Variants in CFAP47 observed in about 807,000 individuals in gnomAD.
CFAP47 encodes the protein cilia- and flagella-associated protein 47.
CFAP47 carries 29 observed loss-of-function variants against 148.1 expected under a neutral mutation model. The observed-to-expected ratio is 0.20, with a 90% CI of 0.15 to 0.27. CFAP47 has a LOEUF of 0.27. CFAP47 is among the 10% of genes least tolerant of loss of function. CFAP47 has a pLI of 1.00. For synonymous variants in CFAP47, 664 were observed against 577.3 expected (o/e 1.15, Z -2.15); for missense variants, 1,872 against 1,697.5 (o/e 1.10, Z -1.81).
At position 36,085,592 on chromosome X, in the gene CFAP47, A is replaced by G. The variant is rs1033266568; in HGVS notation, c.4916+54A>G. The stretch of plus-strand genomic sequence containing the variant: ...ATATAACTCTGGCTTGGATAGTTAG[A>G]TAAATGAACAGATAGATAGACTTTG... On this transcript the variant is annotated intron_variant, in intron 30 of 63. Transcript: ENST00000378653. 2.2e-5 allele frequency: 15 copies of G among 680,232 alleles called. No homozygotes were observed. The East Asian group carries it at 3.0e-4, about 14-fold the overall frequency. The allele number at this position is 680,232 out of a possible 1,213,427, so 56.1% of individuals were successfully genotyped here. A position where few individuals can be genotyped will look rare whatever the true frequency, so the allele number is the denominator to read the frequency against.
intron 63 of CFAP47, among the ~76,000 whole-genome samples, chrX:36,383,569 A>G (rs183461770): frequency 3.6e-5 from 4 of 111,835 alleles, no homozygotes; most frequent in Non-Finnish European, 7.5e-5. Flanking sequence ...TTTTTTACCC[A>G]GTCGTATTAT....
At chrX:36,169,002 T>C (rs1334999742) in intron 39 of CFAP47, among the ~76,000 whole-genome samples, 1 of 111,857 alleles carries the variant, frequency 8.9e-6, no homozygotes, top group African/African-American at 3.2e-5. Flanking sequence ...TGTTTTCTTC[T>C]CTTTTTTTAA....
At chrX:36,192,376 A>C (rs56165720) in intron 42 of CFAP47, among the ~76,000 whole-genome samples, 23,899 of 110,244 alleles carry the variant, frequency 0.22, 2,645 homozygotes, top group African/African-American at 0.41. Context: ...ACCTTTTAGG[A>C]GGAGGGGTTG....
chrX:36,228,965 G>C, intron 46 of CFAP47, 141 bp downstream of exon 46: 1 of 427,071 alleles, frequency 2.3e-6, no homozygotes, highest in East Asian at 3.9e-5. Context: ...ATTTATGTCA[G>C]AATCTCTTCC....
In CFAP47 at chrX:36,255,514, A is replaced by G. The variant is rs906699256; in HGVS notation, c.7444+4070A>G. Among the ~76,000 whole-genome samples, 5 of 109,825 alleles carry G rather than the reference A, an allele frequency of 4.6e-5. No homozygotes were observed. The South Asian group carries it at 1.6e-3, about 35-fold the overall frequency. ...GTTGATCAGTCATTGAAAGTGGGCT[A>G]CATGTGGAAGGAGGTTTGACCTTGA... On this transcript the variant is annotated intron_variant, in intron 49 of 63. Transcript: ENST00000378653.
intron 3 of CFAP47, among the ~76,000 whole-genome samples, chrX:35,945,676 C>T (rs1243761852): frequency 1.8e-5 from 2 of 110,979 alleles, no homozygotes; most frequent in African/African-American, 6.6e-5. Context: ...CTTTTCTCTG[C>T]CCAATGCCAC....
chrX:36,376,967 G>A (rs1942029910), intron 62 of CFAP47, among the ~76,000 whole-genome samples: 1 of 110,576 alleles, frequency 9.0e-6, no homozygotes, highest in Non-Finnish European at 1.9e-5. Flanking sequence ...TCCTTTTTAT[G>A]GCTGCATAGT....
intron 57 of CFAP47, among the ~76,000 whole-genome samples, chrX:36,343,274 A>G (rs782612853): frequency 8.9e-6 from 1 of 112,221 alleles, no homozygotes; most frequent in African/African-American, 3.2e-5. Flanking sequence ...TGGGTGAAGG[A>G]TATGAACAGA....
chrX:36,349,491 G>A (rs188470120), intron 58 of CFAP47, among the ~76,000 whole-genome samples: 1 of 111,381 alleles, frequency 9.0e-6, no homozygotes, highest in East Asian at 2.8e-4. Context: ...TTGAACTCCT[G>A]ACCTCAAGTG....
chrX:36,080,994 A>G (rs1345475938), intron 29 of CFAP47, among the ~76,000 whole-genome samples: 1 of 111,920 alleles, frequency 8.9e-6, no homozygotes, highest in Non-Finnish European at 1.9e-5. Context: ...AATTACTAAA[A>G]TAAGAGCAGA....
chrX:36,191,281 A>G (rs1939862722), intron 42 of CFAP47, among the ~76,000 whole-genome samples: 1 of 111,647 alleles, frequency 9.0e-6, no homozygotes, highest in South Asian at 3.7e-4. Flanking sequence ...ATATGACCCA[A>G]CAAAATACTA....
chrX:36,149,384 C>G (rs942324934), intron 37 of CFAP47, among the ~76,000 whole-genome samples, 161 bp downstream of exon 37: 1 of 110,784 alleles, frequency 9.0e-6, no homozygotes, highest in African/African-American at 3.3e-5. Flanking sequence ...CAATTCCTCA[C>G]CAAAGTTGTT....
At chrX:36,238,672 A>G (rs185381663) in intron 48 of CFAP47, among the ~76,000 whole-genome samples, 162 of 111,425 alleles carry the variant, frequency 1.5e-3, no homozygotes, top group African/African-American at 5.1e-3. Flanking sequence ...ATTCCTTAAC[A>G]TTGGATTATC....
At chrX:36,314,017 A>C (rs1247853867) in intron 56 of CFAP47, among the ~76,000 whole-genome samples, 1 of 111,648 alleles carries the variant, frequency 9.0e-6, no homozygotes, top group Non-Finnish European at 1.9e-5. Flanking sequence ...AAAATACCCA[A>C]ATTTCTAAAA....
intron 49 of CFAP47, among the ~76,000 whole-genome samples, chrX:36,254,210 C>G (rs1227067235): frequency 9.0e-6 from 1 of 111,042 alleles, no homozygotes; most frequent in Non-Finnish European, 1.9e-5. Flanking sequence ...TGGGTTTGAT[C>G]TGAACCTTGA....
intron 45 of CFAP47, among the ~76,000 whole-genome samples, chrX:36,218,599 T>A (rs1488603659): frequency 9.0e-6 from 1 of 111,707 alleles, no homozygotes; most frequent in Non-Finnish European, 1.9e-5. Context: ...GTGCATTTTG[T>A]TGATGAAAAA....
chrX:36,133,038 T>C (rs1168129875), intron 33 of CFAP47, among the ~76,000 whole-genome samples: 1 of 111,698 alleles, frequency 9.0e-6, no homozygotes, highest in Non-Finnish European at 1.9e-5. Context: ...AATGAGATGA[T>C]AGCAATGGTC....
At position 36,138,453 on chromosome X, in the gene CFAP47, G is replaced by A. The variant is rs748263281; in HGVS notation, c.5524G>A (p.Val1842Met). ...VNTLYEIDFD[V>M]EIQATDICDP... ...TACTCTTTATGAAATTGACTTTGAC[G>A]TGGAAATACAGGTGGGTGCCTTTAT... The change falls in exon 35 of 64, where the codon GTG becomes ATG. Residue 1842 changes from valine to methionine, a missense_variant. By Grantham distance (21) the Val-to-Met change is conservative (BLOSUM62 1). Coordinates refer to ENST00000378653, the MANE Select transcript of CFAP47 (RefSeq NM_001304548.2). 3.7e-5 allele frequency: 43 copies of A among 1,148,361 alleles called. No homozygotes were observed. In the East Asian group the frequency reaches 7.6e-4, roughly 20 times the overall value. 94.6% of individuals were successfully genotyped at this position (1,148,361 alleles called of 1,213,427 possible). A position where few individuals can be genotyped will look rare whatever the true frequency, so the allele number is the denominator to read the frequency against.
intron 49 of CFAP47, among the ~76,000 whole-genome samples, chrX:36,270,202 T>C (rs1345773896): frequency 9.0e-6 from 1 of 111,618 alleles, no homozygotes; most frequent in Admixed American, 9.5e-5. Context: ...TTAGATCACA[T>C]GGTAATTGAG....
Sources: allele counts gnomAD v4.1 joint callset (sites outside exome capture counted in the v4.1 genomes callset), GRCh38; gene constraint gnomAD v4.1.1; transcripts MANE v1.5; gene names NCBI Gene and HGNC (gene_info 2026-07-23, HGNC 2026-07-21).